Variants in PCLO observed in about 807,000 individuals in gnomAD.
PCLO encodes the protein piccolo presynaptic cytomatrix protein, also known as protein piccolo.
Under a neutral mutation model 427.5 loss-of-function variants are expected in PCLO, and 82 were observed. The ratio of observed to expected loss-of-function variants is 0.19; its 90% CI spans 0.16 to 0.23. PCLO has a LOEUF of 0.23. Among genes scored for constraint, PCLO ranks in the 10% least tolerant of loss-of-function variants. The pLI, the probability that PCLO is intolerant of heterozygous loss-of-function variation, is 1.00. For synonymous variants in PCLO, 2,357 were observed against 2,155.4 expected, an observed-to-expected ratio of 1.09 and a Z score of -2.59; for missense variants, 6,239 against 6,115.9, an observed-to-expected ratio of 1.02 and a Z score of -0.67.
chr7:82,948,587 T>C (rs959918660), intron 6 of PCLO, among the ~76,000 whole-genome samples: 4 of 152,252 alleles, frequency 2.6e-5, no homozygotes, highest in Middle Eastern at 3.4e-3. Context: ...AATTGAGCTA[T>C]TATATCTATC....
chr7:83,087,809 T>C (rs1482343729), intron 3 of PCLO, among the ~76,000 whole-genome samples: 5 of 152,150 alleles, frequency 3.3e-5, no homozygotes, highest in African/African-American at 7.2e-5. Flanking sequence ...TCAAAAAATA[T>C]ATTTGCTTAA....
intron 3 of PCLO, among the ~76,000 whole-genome samples, chr7:82,995,768 C>T (rs1363401363): frequency 4.0e-5 from 6 of 151,800 alleles, no homozygotes; most frequent in Non-Finnish European, 5.9e-5. Context: ...GATAATAGTA[C>T]TTATCTCATT....
At chr7:82,840,884 A>C (rs989949919) in intron 14 of PCLO, among the ~76,000 whole-genome samples, 1 of 151,882 alleles carries the variant, frequency 6.6e-6, no homozygotes, top group African/African-American at 2.4e-5. Context: ...TATTTTTACT[A>C]TGACCCACAA....
At chr7:82,873,108 A>G (rs1174526578) in intron 10 of PCLO, among the ~76,000 whole-genome samples, 1 of 152,062 alleles carries the variant, frequency 6.6e-6, no homozygotes, top group African/African-American at 2.4e-5. Flanking sequence ...AATATGGAAG[A>G]AACATGGTAA....
chr7:82,950,851 C>T lies in PCLO; in HGVS notation c.9737G>A (p.Arg3246Gln), dbSNP rs757103714. The T allele has an allele frequency of 1.2e-6, 2 of 1,613,604 alleles. No individual in the cohort carries two copies. The highest frequency in any genetic ancestry group is 1.7e-5 in the Admixed American group (1 of 60,012). Residue 3246 changes from arginine to glutamine, a missense_variant, in exon 6 of 25, where the codon CGA becomes CAA. By Grantham distance (43) the Arg-to-Gln change is conservative (BLOSUM62 1). Transcript: ENST00000333891. ...EWERQEIQRF[R>Q]EQEKIMVQKK... is the part of the protein sequence containing the mutation. Reference sequence around the variant, plus strand: ...CTGAACCATGATCTTTTCTTGTTCTCGGAACCTTTGAATTTCCTGACGTTC... The same window carrying T: ...CTGAACCATGATCTTTTCTTGTTCTTGGAACCTTTGAATTTCCTGACGTTC...
rs140626505 is a variant in PCLO at position 82,998,016 on chromosome 7, A to G, written c.3301-31529T>C. On this transcript the variant is annotated intron_variant, in intron 3 of 24. Transcript: ENST00000333891. ...ACAACTCTTCTTAGATCTGTAAGAG[A>G]AGTGAAGTCACAGGTCACACAAATA... Among the ~76,000 whole-genome samples, 87 of 152,138 alleles carry G rather than the reference A, an allele frequency of 5.7e-4. 1 individual carries two copies. The East Asian group carries it at 0.016, about 28-fold the overall frequency.
chr7:82,902,792 G>A, intron 8 of PCLO, 51 bp from the exon 9 acceptor site: 1 of 860,838 alleles, frequency 1.2e-6, no homozygotes, highest in South Asian at 1.4e-5. Flanking sequence ...GACACTTAAA[G>A]TGCAATATAC....
chr7:82,952,219 TTGTTACGAC>T lies in PCLO; in HGVS notation c.8725_8733del (p.Val2909_Thr2911del). 6.2e-7 allele frequency: 1 copy of T among 1,613,850 alleles called. No individual in the cohort carries two copies. Among genetic ancestry groups the T allele is most frequent in the Non-Finnish European group, 8.5e-7 (1 of 1,179,846 alleles). ...ATCACACTTGAAGTAGACTCATCCA[TTGTTACGAC>T]TGTTCTGTGAGACTTGGTTGTACTG... On this transcript the variant is annotated inframe_deletion, in exon 5 of 25. Transcript: ENST00000333891.
rs1423568334 is a variant in PCLO at position 83,134,890 on chromosome 7, T to C, written c.2660A>G (p.Gln887Arg). 1 of 1,603,168 alleles carries C rather than the reference T, an allele frequency of 6.2e-7. No homozygotes were observed. Among genetic ancestry groups the C allele is most frequent in the African/African-American group, 1.3e-5 (1 of 74,642 alleles). ...TPPGPRPTAG[Q>R]TVPTPQQSPK... is the part of the protein sequence containing the mutation. The stretch of plus-strand genomic sequence containing the variant: ...GGACTGTTGAGGTGTGGGGACAGTT[T>C]GGCCAGCGGTAGGTCGTGGGCCAGG... The change falls in exon 3 of 25, where the codon CAA (glutamine) becomes CGA (arginine). Residue 887 changes from glutamine (Q) to arginine (R), a missense_variant. Physicochemically the swap from Gln to Arg is conservative, Grantham distance 43. Coordinates refer to ENST00000333891, the MANE Select transcript of PCLO (RefSeq NM_033026.6).
At chr7:82,994,578 AT>A (rs1039444709) in intron 3 of PCLO, among the ~76,000 whole-genome samples, 10 of 149,782 alleles carry the variant, frequency 6.7e-5, no homozygotes, top group African/African-American at 2.5e-4. Context: ...TAATTATTTT[AT>A]TTTTTATATA....
chr7:83,118,766 G>A (rs1236103545), intron 3 of PCLO, among the ~76,000 whole-genome samples: 1 of 152,094 alleles, frequency 6.6e-6, no homozygotes, highest in Non-Finnish European at 1.5e-5. Flanking sequence ...AATTTGAAAG[G>A]CAGTCTAAGC....
chr7:82,961,591 G>A (rs1299605925), intron 4 of PCLO, among the ~76,000 whole-genome samples: 1 of 152,122 alleles, frequency 6.6e-6, no homozygotes, highest in Non-Finnish European at 1.5e-5. Flanking sequence ...TAGGATTTTA[G>A]TTGTATTTTT....
At chr7:82,779,673 C>T (rs1790827918) in intron 22 of PCLO, among the ~76,000 whole-genome samples, 2 of 151,502 alleles carry the variant, frequency 1.3e-5, no homozygotes, top group Admixed American at 1.3e-4. Flanking sequence ...CATAGGTTTA[C>T]CACCTCAATA....
intron 3 of PCLO, among the ~76,000 whole-genome samples, chr7:83,061,464 T>A (rs936505587): frequency 3.3e-5 from 5 of 152,134 alleles, no homozygotes; most frequent in Admixed American, 2.6e-4. Context: ...TTTTGCCACA[T>A]AACATAATAA....
Position 82,992,922 on chromosome 7 carries a change from T to C in PCLO, c.3301-26435A>G, listed in dbSNP as rs368491779. ...AATCATCTGGTAATCAATGCATCCA[T>C]ATTAAATGTGTTTGAGGGCCACTTA... On this transcript the variant is annotated intron_variant, in intron 3 of 24. Transcript: ENST00000333891. 1.8e-4 allele frequency among the ~76,000 whole-genome samples: 28 copies of C among 152,238 alleles called. No individual in the cohort carries two copies. In the East Asian group the frequency reaches 2.9e-3, roughly 16 times the overall value.
At chr7:82,795,381 A>G (rs1791203535) in intron 22 of PCLO, among the ~76,000 whole-genome samples, 1 of 152,126 alleles carries the variant, frequency 6.6e-6, no homozygotes, top group African/African-American at 2.4e-5. Flanking sequence ...CAAGATTTTT[A>G]ATTTTGGCAA....
intron 22 of PCLO, among the ~76,000 whole-genome samples, chr7:82,797,692 T>C (rs1236539814): frequency 1.3e-5 from 2 of 152,022 alleles, no homozygotes; most frequent in Admixed American, 6.6e-5. Flanking sequence ...CTTAATTAAA[T>C]TGTGGAAATT....
intron 10 of PCLO, 95 bp downstream of exon 10, chr7:82,879,242 A>T: frequency 1.8e-6 from 2 of 1,112,914 alleles, no homozygotes; most frequent in Non-Finnish European, 2.5e-6. Context: ...AGGTTTACCT[A>T]CACAGAGAAG....
chr7:82,846,934 C>G (rs780300552), intron 11 of PCLO, among the ~76,000 whole-genome samples: 1 of 152,076 alleles, frequency 6.6e-6, no homozygotes, highest in Admixed American at 6.5e-5. Flanking sequence ...AAGCATGTTT[C>G]CATAAAAGCA....
Sources: allele counts gnomAD v4.1 joint callset (sites outside exome capture counted in the v4.1 genomes callset), GRCh38; gene constraint gnomAD v4.1.1; transcripts MANE v1.5; gene names NCBI Gene and HGNC (gene_info 2026-07-23, HGNC 2026-07-21).